Variants in BACH2 observed in about 807,000 individuals in gnomAD.
BACH2 encodes the protein BACH transcriptional regulator 2.
Under a neutral mutation model 61.8 loss-of-function variants are expected in BACH2, and 5 were observed. The observed-to-expected ratio is 0.08, with a 90% confidence interval of 0.04 to 0.17. BACH2 has a LOEUF of 0.17. BACH2 is among the 10% of genes least tolerant of loss of function. The pLI is 1.00. For missense variants in BACH2, 824 were observed against 1,091.1 expected (o/e 0.76, Z 3.45); for synonymous variants, 446 against 440.1 (o/e 1.01, Z -0.17).
At chr6:90,074,090 T>G (rs1213382364) in intron 5 of BACH2, among the ~76,000 whole-genome samples, 1 of 152,222 alleles carries the variant, frequency 6.6e-6, no homozygotes, top group Non-Finnish European at 1.5e-5. Flanking sequence ...AGAACAGAAA[T>G]TGCTTTAATG....
In BACH2 at chr6:90,008,615, C is replaced by T. The variant is rs1302804378; in HGVS notation, c.230G>A (p.Ser77Asn). The T allele has an allele frequency of 1.2e-6, 2 of 1,614,176 alleles. No individual in the cohort carries two copies. The highest frequency in any genetic ancestry group is 1.7e-6 in the Non-Finnish European group (2 of 1,180,032). ...AAATTACTGTACCTCCTCAGGCAAG[C>T]TGACCACCAAATCATTTTTTGTCTG... ...VGQTKNDLVV[S>N]LPEEVTARGF... Residue 77 changes from serine to asparagine, a missense_variant, in exon 6 of 9, where the codon AGC becomes AAC. By Grantham distance (46) the Ser-to-Asn change is conservative (BLOSUM62 1). Coordinates refer to ENST00000257749, the MANE Select transcript of BACH2 (RefSeq NM_021813.4). This position sits in a 1 kb window ranked among gnomAD's most constrained non-coding sequence, Gnocchi z 4.1.
At chr6:90,145,806 G>C (rs1045075490) in intron 4 of BACH2, among the ~76,000 whole-genome samples, 4 of 152,172 alleles carry the variant, frequency 2.6e-5, no homozygotes, top group African/African-American at 9.7e-5. Flanking sequence ...TACATGATTG[G>C]ATTTGCACAG....
chr6:90,231,524 A>C (rs928023525), intron 3 of BACH2, among the ~76,000 whole-genome samples: 1 of 152,224 alleles, frequency 6.6e-6, no homozygotes, highest in African/African-American at 2.4e-5. Flanking sequence ...GCCAGAGCCT[A>C]ATCCAAAAGA....
intron 4 of BACH2, among the ~76,000 whole-genome samples, chr6:90,148,511 C>T (rs1332621736): frequency 2.0e-5 from 3 of 152,024 alleles, no homozygotes; most frequent in Admixed American, 1.3e-4. Context: ...AAAAACTAGA[C>T]AACGGTGGAA....
At chr6:89,968,326 A>C (rs1218207978) in intron 6 of BACH2, among the ~76,000 whole-genome samples, 1 of 152,250 alleles carries the variant, frequency 6.6e-6, no homozygotes. Context: ...TTATCTGAAT[A>C]TTCCACTGGA....
intron 6 of BACH2, chr6:89,952,077 G>A (rs1774163719): frequency 3.4e-6 from 2 of 597,004 alleles, no homozygotes; most frequent in East Asian, 2.9e-5. Context: ...TCACAGCACA[G>A]GCAGAATTGA....
At chr6:90,023,393 C>T (rs1778481627) in intron 5 of BACH2, among the ~76,000 whole-genome samples, 1 of 151,956 alleles carries the variant, frequency 6.6e-6, no homozygotes, top group South Asian at 2.1e-4. Flanking sequence ...GGCACTTTCC[C>T]CCTCCTCTCT....
intron 4 of BACH2, among the ~76,000 whole-genome samples, chr6:90,204,608 G>A (rs536748944): frequency 2.3e-3 from 354 of 152,280 alleles, no homozygotes; most frequent in African/African-American, 8.1e-3. Context: ...TGTGTGGAGA[G>A]TGAATCCATG....
intron 3 of BACH2, among the ~76,000 whole-genome samples, chr6:90,248,221 C>A (rs949905122): frequency 2.6e-5 from 4 of 152,346 alleles, no homozygotes; most frequent in African/African-American, 9.6e-5. Context: ...AACCAATTAA[C>A]TAATCTGCTG....
intron 4 of BACH2, among the ~76,000 whole-genome samples, chr6:90,118,808 C>T (rs1368441317): frequency 1.3e-5 from 2 of 152,136 alleles, no homozygotes; most frequent in African/African-American, 4.8e-5. Context: ...CAGTACAGTA[C>T]AGTACAGTCA....
At chr6:90,000,629 T>C (rs145446035) in intron 6 of BACH2, among the ~76,000 whole-genome samples, 6 of 152,366 alleles carry the variant, frequency 3.9e-5, no homozygotes, top group African/African-American at 1.4e-4. Flanking sequence ...ACTAGCATTG[T>C]TACTCCTTGT....
At position 90,177,078 on chromosome 6, in the gene BACH2, CCTT is replaced by C. The variant is rs371340696; in HGVS notation, c.-162+29488_-162+29490del. ...ATTAGCACATTATGTACTCTTTTCTCCTTCTGAAAGGAAGAATCTTTGCCTGCC... is the reference window on the plus strand; with the variant it reads ...ATTAGCACATTATGTACTCTTTTCTCCTGAAAGGAAGAATCTTTGCCTGCC... On this transcript the variant is annotated intron_variant, in intron 4 of 8. Transcript: ENST00000257749. Among the ~76,000 whole-genome samples, 348 of 152,224 alleles carry C rather than the reference CCTT, an allele frequency of 2.3e-3. 1 individual carries two copies. The highest frequency in any genetic ancestry group is 3.7e-3 in the Admixed American group (57 of 15,298).
At chr6:90,141,812 G>T (rs1277011828) in intron 4 of BACH2, among the ~76,000 whole-genome samples, 2 of 152,194 alleles carry the variant, frequency 1.3e-5, no homozygotes, top group Non-Finnish European at 2.9e-5. Flanking sequence ...TGTGTGCAGT[G>T]GCTCACGCCT....
intron 5 of BACH2, among the ~76,000 whole-genome samples, chr6:90,018,351 G>A (rs1407803209): frequency 6.6e-6 from 1 of 152,160 alleles, no homozygotes; most frequent in Non-Finnish European, 1.5e-5. Flanking sequence ...CTCTTCAACT[G>A]AAGAGTCAGC....
chr6:90,050,325 A>G (rs543765163), intron 5 of BACH2, among the ~76,000 whole-genome samples: 1 of 152,362 alleles, frequency 6.6e-6, no homozygotes, highest in South Asian at 2.1e-4. Flanking sequence ...ATATGGCTTT[A>G]GATTCCATAT....
intron 6 of BACH2, among the ~76,000 whole-genome samples, chr6:89,956,185 T>C (rs1173587908): frequency 2.0e-5 from 3 of 152,206 alleles, no homozygotes; most frequent in Admixed American, 6.6e-5. Flanking sequence ...AAGAACATTT[T>C]TTCATTGCAC....
At chr6:90,235,378 G>A (rs1364255256) in intron 3 of BACH2, among the ~76,000 whole-genome samples, 2 of 152,216 alleles carry the variant, frequency 1.3e-5, no homozygotes, top group Non-Finnish European at 2.9e-5. Context: ...TCACAGGGTT[G>A]TGAAGATTAT....
intron 6 of BACH2, among the ~76,000 whole-genome samples, chr6:89,969,988 G>A (rs138620436): frequency 0.014 from 2,120 of 151,956 alleles, 22 homozygotes; most frequent in Middle Eastern, 0.034. Context: ...AGATCAGCTT[G>A]GAAAAAATAA....
intron 3 of BACH2, among the ~76,000 whole-genome samples, chr6:90,234,417 C>A (rs559957116): frequency 6.6e-6 from 1 of 152,282 alleles, no homozygotes; most frequent in African/African-American, 2.4e-5. Flanking sequence ...CTTGCTTACC[C>A]AAGTGATCAA....
Sources: gnomAD v4.1 joint callset for allele counts (sites outside exome capture counted in the v4.1 genomes callset) on GRCh38, gnomAD v4.1.1 for gene constraint, Gnocchi (gnomAD v3.1) non-coding constraint, MANE v1.5 for transcripts, NCBI Gene and HGNC (gene_info 2026-07-23, HGNC 2026-07-21) for gene names.